TBC1D31: variants seen among roughly 807,000 people sequenced by gnomAD.
The protein encoded by TBC1D31 is TBC1 domain family member 31.
TBC1D31 carries 99 observed loss-of-function variants against 132.9 expected under a neutral mutation model. That is an observed-to-expected ratio of 0.74 (90% confidence interval 0.63 to 0.88). The LOEUF (loss-of-function observed/expected upper bound fraction) is 0.88, where lower values mean the gene tolerates loss of function less well. Ranked by LOEUF, TBC1D31 falls within the 40% of genes least tolerant of loss-of-function variation. The pLI, the probability that TBC1D31 is intolerant of heterozygous loss-of-function variation, is 0.00. For missense variants in TBC1D31, 1,134 were observed against 1,256.6 expected, an observed-to-expected ratio of 0.90 and a Z score of 1.48; for synonymous variants, 385 against 419.4, an observed-to-expected ratio of 0.92 and a Z score of 1.00.
intron 6 of TBC1D31, among the ~76,000 whole-genome samples, chr8:123,099,769 C>A (rs2130340102): frequency 6.6e-6 from 1 of 152,278 alleles, no homozygotes; most frequent in East Asian, 1.9e-4. Flanking sequence ...ATACCACAGA[C>A]TGGGTAATTT....
At chr8:123,150,999 T>C (rs539070617) in intron 21 of TBC1D31, among the ~76,000 whole-genome samples, 5 of 152,366 alleles carry the variant, frequency 3.3e-5, no homozygotes, top group African/African-American at 1.2e-4. Context: ...TCCAGTATTG[T>C]GTAAAATATT....
intron 2 of TBC1D31, among the ~76,000 whole-genome samples, chr8:123,079,935 C>T (rs1651110484): frequency 6.6e-6 from 1 of 152,196 alleles, no homozygotes; most frequent in Non-Finnish European, 1.5e-5. Flanking sequence ...ATAGCCTCTC[C>T]TGAGATATTG....
intron 19 of TBC1D31, among the ~76,000 whole-genome samples, chr8:123,144,115 T>TA (rs1162143038): frequency 6.6e-6 from 1 of 152,346 alleles, no homozygotes; most frequent in African/African-American, 2.4e-5. Flanking sequence ...TTCTATAGCA[T>TA]AAAAATTATG....
intron 7 of TBC1D31, chr8:123,102,464 T>C: frequency 3.0e-6 from 1 of 332,516 alleles, no homozygotes; most frequent in Non-Finnish European, 5.9e-6. Context: ...ATGTACAGAA[T>C]AGCAAACAGA....
chr8:123,142,353 T>C lies in TBC1D31; in HGVS notation c.2732T>C (p.Leu911Pro). 6.2e-7 allele frequency: 1 copy of C among 1,611,016 alleles called. No homozygotes were observed. The highest frequency in any genetic ancestry group is 1.7e-4 in the Middle Eastern group (1 of 6,048). Reference protein sequence around the residue: ...QSLHKQKCDDLQRNKCYQEVA... With the variant: ...QSLHKQKCDDPQRNKCYQEVA... ...TTACATAAACAAAAATGTGATGATCTACAACGAAACAAATGTTACCAGGAA... is the reference window on the plus strand; with the variant it reads ...TTACATAAACAAAAATGTGATGATCCACAACGAAACAAATGTTACCAGGAA... Residue 911 changes from leucine to proline, a missense_variant, in exon 19 of 22, where the codon CTA becomes CCA. Transcript: ENST00000287380.
At chr8:123,129,632 T>C (rs1360732823) in intron 15 of TBC1D31, among the ~76,000 whole-genome samples, 2 of 152,154 alleles carry the variant, frequency 1.3e-5, no homozygotes, top group Non-Finnish European at 2.9e-5. Flanking sequence ...TCATTACCCA[T>C]TTAACACTTT....
At chr8:123,108,598 A>G (rs1026811281) in intron 8 of TBC1D31, among the ~76,000 whole-genome samples, 2 of 152,126 alleles carry the variant, frequency 1.3e-5, no homozygotes, top group African/African-American at 4.8e-5. Flanking sequence ...CAAGCTAAGA[A>G]TGGTTTGTGC....
intron 2 of TBC1D31, among the ~76,000 whole-genome samples, chr8:123,079,506 A>T (rs1279396270): frequency 6.6e-6 from 1 of 152,236 alleles, no homozygotes; most frequent in Non-Finnish European, 1.5e-5. Flanking sequence ...TTCTTGCTTA[A>T]CTTACCTCAC....
chr8:123,159,545 A>G, the TBC1D31 span, among the ~76,000 whole-genome samples: 1 of 152,198 alleles, frequency 6.6e-6, no homozygotes, highest in Non-Finnish European at 1.5e-5. Context: ...TAATCCCAGC[A>G]TTTTGGGAGG....
the TBC1D31 span, among the ~76,000 whole-genome samples, chr8:123,161,467 A>G: frequency 6.6e-6 from 1 of 152,166 alleles, no homozygotes; most frequent in East Asian, 1.9e-4. Context: ...TCACTTACGA[A>G]AGCGAAACTC....
At chr8:123,119,252 TG>T (rs1389194838) in intron 10 of TBC1D31, among the ~76,000 whole-genome samples, 2 of 152,226 alleles carry the variant, frequency 1.3e-5, no homozygotes, top group African/African-American at 4.8e-5. Context: ...CTTTCGAAAT[TG>T]CAAATGCACG....
chr8:123,148,475 C>T (rs1199412528), intron 20 of TBC1D31, among the ~76,000 whole-genome samples: 2 of 151,896 alleles, frequency 1.3e-5, no homozygotes, highest in African/African-American at 2.4e-5. Flanking sequence ...GGCACGGTGG[C>T]GCCTGTAATC....
chr8:123,126,079 G>C lies in TBC1D31; in HGVS notation c.1594G>C (p.Glu532Gln). The C allele has an allele frequency of 6.2e-7, 1 of 1,606,560 alleles. No homozygotes were observed. The highest frequency in any genetic ancestry group is 8.5e-7 in the Non-Finnish European group (1 of 1,177,078). Residue 532 changes from glutamate to glutamine, a missense_variant, in exon 12 of 22, where the codon GAA becomes CAA. Transcript: ENST00000287380. ...AGTCAATTGGTGTCAACACTGGTTTGAATATTTTCCTAATCCTCCTATCAA... is the reference window on the plus strand; with the variant it reads ...AGTCAATTGGTGTCAACACTGGTTTCAATATTTTCCTAATCCTCCTATCAA... ...LIINWCQHWF[E>Q]YFPNPPINIL...
At chr8:123,140,974 T>C in intron 18 of TBC1D31, 73 bp downstream of exon 18, 1 of 1,404,776 alleles carries the variant, frequency 7.1e-7, no homozygotes, top group Non-Finnish European at 9.9e-7. Context: ...GAGAACAAAA[T>C]CGAAATTAAA....
intron 17 of TBC1D31, among the ~76,000 whole-genome samples, chr8:123,138,916 C>G (rs1170589481): frequency 1.3e-5 from 2 of 152,062 alleles, no homozygotes; most frequent in Non-Finnish European, 2.9e-5. Context: ...CTCCTGCAAT[C>G]TTCCTGCCTC....
chr8:123,089,969 A>G (rs1205664420), intron 4 of TBC1D31, among the ~76,000 whole-genome samples: 1 of 152,232 alleles, frequency 6.6e-6, no homozygotes, highest in Non-Finnish European at 1.5e-5. Flanking sequence ...GGAAATCTGC[A>G]TTCTGAAACA....
intron 17 of TBC1D31, among the ~76,000 whole-genome samples, chr8:123,134,771 A>AT (rs1346241229): frequency 3.3e-5 from 5 of 152,154 alleles, no homozygotes; most frequent in Non-Finnish European, 5.9e-5. Flanking sequence ...TTGCCTCAGG[A>AT]TTTTTTACCA....
At chr8:123,130,545 A>C (rs1260811230) in intron 16 of TBC1D31, among the ~76,000 whole-genome samples, 1 of 152,142 alleles carries the variant, frequency 6.6e-6, no homozygotes, top group Admixed American at 6.6e-5. Flanking sequence ...AAATTAGTCA[A>C]GTGTCCTTGG....
At chr8:123,103,429 CT>C (rs371684611) in intron 7 of TBC1D31, 445 of 147,406 alleles carry the variant, frequency 3.0e-3, no homozygotes, top group Middle Eastern at 0.011. Context: ...ACCTTCTTTT[CT>C]TTTTTTTTTT....
Sources: gnomAD v4.1 joint callset for allele counts (sites outside exome capture counted in the v4.1 genomes callset) on GRCh38, gnomAD v4.1.1 for gene constraint, MANE v1.5 for transcripts, NCBI Gene and HGNC (gene_info 2026-07-23, HGNC 2026-07-21) for gene names.